Variants in CADM2 observed in about 807,000 individuals in gnomAD.
The protein encoded by CADM2 is immunoglobulin superfamily member 4D.
CADM2 carries 12 observed loss-of-function variants against 49.8 expected under a neutral mutation model. That is an observed-to-expected ratio of 0.24 (90% CI 0.15 to 0.39). CADM2 has a LOEUF of 0.39. Ranked by LOEUF, CADM2 falls within the 10% of genes least tolerant of loss-of-function variation. The pLI, the probability that CADM2 is intolerant of heterozygous loss-of-function variation, is 1.00. For synonymous variants in CADM2, 214 were observed against 175.4 expected (o/e 1.22, Z -1.74); for missense variants, 378 against 492.3 (o/e 0.77, Z 2.20).
intron 3 of CADM2, among the ~76,000 whole-genome samples, chr3:85,804,662 A>T (rs1206521795): frequency 1.3e-5 from 2 of 152,166 alleles, no homozygotes; most frequent in Non-Finnish European, 2.9e-5. Flanking sequence ...ACTTTTAGTG[A>T]TTCTATAAGT....
At chr3:85,077,725 T>C (rs1195439002) in intron 1 of CADM2, among the ~76,000 whole-genome samples, 2 of 152,100 alleles carry the variant, frequency 1.3e-5, no homozygotes. Context: ...AGATTATATA[T>C]TTAATTCAAT....
intron 1 of CADM2, among the ~76,000 whole-genome samples, chr3:85,683,424 T>C (rs895135231): frequency 6.6e-6 from 1 of 152,170 alleles, no homozygotes; most frequent in Non-Finnish European, 1.5e-5. Context: ...TGTGTGAATC[T>C]TTTTTGATAA....
chr3:85,275,614 AT>A (rs1199240214), intron 1 of CADM2, among the ~76,000 whole-genome samples: 3 of 151,146 alleles, frequency 2.0e-5, no homozygotes, highest in South Asian at 4.1e-4. Context: ...AGTTACATGC[AT>A]TTTTTCCATT....
intron 1 of CADM2, among the ~76,000 whole-genome samples, chr3:84,993,077 A>C (rs1475621286): frequency 6.6e-6 from 1 of 152,142 alleles, no homozygotes; most frequent in East Asian, 1.9e-4. Context: ...AACTATTTTA[A>C]GAAAAAAAAA....
chr3:85,277,021 T>C (rs2043372712), intron 1 of CADM2, among the ~76,000 whole-genome samples: 1 of 151,334 alleles, frequency 6.6e-6, no homozygotes, highest in African/African-American at 2.4e-5. Flanking sequence ...ATTGTTAATC[T>C]TAAGCTAATA....
At chr3:85,957,912 C>T (rs781349262) in intron 7 of CADM2, among the ~76,000 whole-genome samples, 20 of 151,910 alleles carry the variant, frequency 1.3e-4, no homozygotes, top group Non-Finnish European at 2.4e-4. Context: ...ACGCCAAAAG[C>T]GATTGCAACA....
chr3:85,793,005 A>G (rs1208157158), intron 2 of CADM2, among the ~76,000 whole-genome samples: 2 of 151,888 alleles, frequency 1.3e-5, no homozygotes, highest in African/African-American at 4.8e-5. Flanking sequence ...TGAGGGAGGG[A>G]CAGCTCTTAA....
At chr3:85,832,312 TACCATATGA>T (rs1559689018) in intron 3 of CADM2, among the ~76,000 whole-genome samples, 3 of 152,000 alleles carry the variant, frequency 2.0e-5, no homozygotes, top group African/African-American at 7.2e-5. Flanking sequence ...TCCTTTTTGC[TACCATATGA>T]AGTTCAGGGT....
At chr3:85,441,024 T>C (rs565144706) in intron 1 of CADM2, among the ~76,000 whole-genome samples, 6 of 152,102 alleles carry the variant, frequency 3.9e-5, no homozygotes, top group African/African-American at 1.2e-4. Flanking sequence ...CTTTACAATA[T>C]TGGTATCTTT....
chr3:85,922,747 T>G (rs188646091), intron 6 of CADM2, among the ~76,000 whole-genome samples: 2 of 152,270 alleles, frequency 1.3e-5, no homozygotes, highest in East Asian at 3.9e-4. Context: ...TACAATATCT[T>G]TATTCCATAA....
chr3:85,525,409 G>A (rs62252463), intron 1 of CADM2, among the ~76,000 whole-genome samples: 78,273 of 151,976 alleles, frequency 0.52, 23,126 homozygotes, highest in East Asian at 0.85. Context: ...CAGAATGACA[G>A]CCAAGATGCT....
At chr3:85,098,688 G>A (rs2037897664) in intron 1 of CADM2, among the ~76,000 whole-genome samples, 1 of 152,100 alleles carries the variant, frequency 6.6e-6, no homozygotes, top group African/African-American at 2.4e-5. Context: ...GATCACCCAC[G>A]TATACCCAAA....
At chr3:85,614,713 A>G (rs1179111995) in intron 1 of CADM2, among the ~76,000 whole-genome samples, 2 of 151,892 alleles carry the variant, frequency 1.3e-5, no homozygotes, top group Non-Finnish European at 2.9e-5. Context: ...ATATAATTCC[A>G]AAGTCCTACA....
intron 1 of CADM2, among the ~76,000 whole-genome samples, chr3:85,628,631 A>ATT (rs5850705): frequency 2.4e-4 from 2 of 8,388 alleles, no homozygotes; most frequent in African/African-American, 2.4e-3. Flanking sequence ...ATATATACGC[A>ATT]TATATACATA....
chr3:85,388,111 C>T (rs1189247521), intron 1 of CADM2, among the ~76,000 whole-genome samples: 2 of 152,126 alleles, frequency 1.3e-5, no homozygotes, highest in East Asian at 1.9e-4. Context: ...CTACTGCAGC[C>T]TCGACCTCCT....
intron 5 of CADM2, among the ~76,000 whole-genome samples, chr3:85,888,604 A>G (rs1295973515): frequency 6.6e-6 from 1 of 152,132 alleles, no homozygotes; most frequent in Non-Finnish European, 1.5e-5. Context: ...CTATCTGTCT[A>G]TCTATGTATC....
intron 1 of CADM2, among the ~76,000 whole-genome samples, chr3:85,139,825 A>G (rs1159344905): frequency 6.6e-6 from 1 of 152,172 alleles, no homozygotes; most frequent in African/African-American, 2.4e-5. Context: ...ATGAGAGGTA[A>G]TTACATTTAC....
chr3:85,193,756 C>T (rs932569508), intron 1 of CADM2, among the ~76,000 whole-genome samples: 5 of 152,102 alleles, frequency 3.3e-5, no homozygotes, highest in African/African-American at 1.2e-4. Context: ...TACAAAATGT[C>T]TCCCTCTATT....
At chr3:85,282,173 T>C (rs953276602) in intron 1 of CADM2, among the ~76,000 whole-genome samples, 8 of 151,440 alleles carry the variant, frequency 5.3e-5, no homozygotes, top group South Asian at 2.1e-4. Flanking sequence ...AACAAGAAAA[T>C]CTGTCATTTT....
Sources: gnomAD v4.1 joint callset for allele counts (sites outside exome capture counted in the v4.1 genomes callset) on GRCh38, gnomAD v4.1.1 for gene constraint, MANE v1.5 for transcripts, NCBI Gene and HGNC (gene_info 2026-07-23, HGNC 2026-07-21) for gene names.